The following DRC10 variants were observed in gnomAD, a reference collection of about 807,000 sequenced individuals.
DRC10 encodes the protein dynein regulatory complex subunit 10.
At chr12:113,199,219 G>C in the DRC10 span, among the ~76,000 whole-genome samples, 1 of 152,074 alleles carries the variant, frequency 6.6e-6, no homozygotes, top group African/African-American at 2.4e-5. Context: ...TTACAGGCGT[G>C]AGCCACTGCT....
At chr12:113,199,656 G>A in the DRC10 span, among the ~76,000 whole-genome samples, 3 of 152,118 alleles carry the variant, frequency 2.0e-5, no homozygotes, top group Non-Finnish European at 4.4e-5. Context: ...AGATTTGGAA[G>A]TTGGGTGTGT....
chr12:113,200,642 G>C, the DRC10 span: 2 of 1,536,170 alleles, frequency 1.3e-6, no homozygotes, highest in African/African-American at 2.7e-5. Context: ...TGTGACTGCA[G>C]CTGCAGGATC....
the DRC10 span, among the ~76,000 whole-genome samples, chr12:113,214,387 T>A: frequency 6.6e-6 from 1 of 150,698 alleles, no homozygotes; most frequent in East Asian, 2.0e-4. Context: ...ATGCCTGTAA[T>A]CCCAACTACT....
At chr12:113,217,895 T>C in the DRC10 span, among the ~76,000 whole-genome samples, 33 of 152,328 alleles carry the variant, frequency 2.2e-4, no homozygotes, top group Non-Finnish European at 4.0e-4. Flanking sequence ...TGTAATTGTT[T>C]GCATCTGACT....
At chr12:113,215,879 G>A in the DRC10 span, among the ~76,000 whole-genome samples, 3 of 152,222 alleles carry the variant, frequency 2.0e-5, no homozygotes, top group Non-Finnish European at 4.4e-5. Flanking sequence ...CCAAATGCTG[G>A]TGAGGATGTG....
the DRC10 span, chr12:113,197,708 A>G: frequency 2.6e-6 from 2 of 774,240 alleles, no homozygotes; most frequent in Admixed American, 4.1e-5. Flanking sequence ...CAGGTGCTTG[A>G]CATGCCTCGC....
the DRC10 span, among the ~76,000 whole-genome samples, chr12:113,196,110 A>G: frequency 9.8e-5 from 15 of 152,288 alleles, no homozygotes; most frequent in African/African-American, 1.4e-4. Flanking sequence ...AGGAACAGGA[A>G]AAGAACATGG....
chr12:113,208,257 A>G, the DRC10 span: 1 of 1,488,024 alleles, frequency 6.7e-7, no homozygotes, highest in African/African-American at 1.4e-5. Context: ...GTCTCTGGCC[A>G]TCCTGCAAAA....
the DRC10 span, among the ~76,000 whole-genome samples, chr12:113,199,214 G>A: frequency 1.1e-4 from 17 of 152,170 alleles, no homozygotes; most frequent in Non-Finnish European, 1.9e-4. Context: ...TGGGATTACA[G>A]GCGTGAGCCA....
chr12:113,208,103 G>A, the DRC10 span: 1 of 1,614,198 alleles, frequency 6.2e-7, no homozygotes. Flanking sequence ...TCTGTCTTTG[G>A]CCCTATTCTG....
chr12:113,207,879 A>G, the DRC10 span: 2 of 1,614,002 alleles, frequency 1.2e-6, no homozygotes, highest in Non-Finnish European at 1.7e-6. Flanking sequence ...CCTGGCAGAG[A>G]TCCTCATGCT....
the DRC10 span, among the ~76,000 whole-genome samples, chr12:113,214,384 T>C: frequency 6.6e-6 from 1 of 151,382 alleles, no homozygotes; most frequent in Admixed American, 6.6e-5. Context: ...AACATGCCTG[T>C]AATCCCAACT....
chr12:113,217,383 T>C, the DRC10 span, among the ~76,000 whole-genome samples: 2 of 152,150 alleles, frequency 1.3e-5, no homozygotes, highest in East Asian at 1.9e-4. Flanking sequence ...AATTCACCCA[T>C]TGTAAGTGTA....
At chr12:113,220,555 AAACAACAAC>A in the DRC10 span, among the ~76,000 whole-genome samples, 3 of 152,212 alleles carry the variant, frequency 2.0e-5, no homozygotes, top group South Asian at 6.2e-4. Flanking sequence ...TGCTCGGCAA[AAACAACAAC>A]AACAACAACA....
At chr12:113,196,077 A>C in the DRC10 span, among the ~76,000 whole-genome samples, 1 of 152,170 alleles carries the variant, frequency 6.6e-6, no homozygotes, top group South Asian at 2.1e-4. Flanking sequence ...TAGCTCTAGG[A>C]AGGACCCAAC....
the DRC10 span, among the ~76,000 whole-genome samples, chr12:113,201,887 C>T: frequency 1.3e-5 from 2 of 152,350 alleles, no homozygotes; most frequent in South Asian, 4.1e-4. Context: ...ATATGATCGG[C>T]AGTCAGAGCT....
chr12:113,198,901 G>A, the DRC10 span, among the ~76,000 whole-genome samples: 2 of 151,994 alleles, frequency 1.3e-5, no homozygotes, highest in African/African-American at 4.8e-5. Flanking sequence ...GATCAGCCTG[G>A]GCAACAGAGC....
chr12:113,207,681 G>C, the DRC10 span: 1 of 1,614,118 alleles, frequency 6.2e-7, no homozygotes, highest in Non-Finnish European at 8.5e-7. Flanking sequence ...CAGCCTGGGG[G>C]TTGCTGAGCA....
chr12:113,220,841 A>G, the DRC10 span, among the ~76,000 whole-genome samples: 5 of 152,292 alleles, frequency 3.3e-5, no homozygotes, highest in African/African-American at 9.6e-5. Context: ...GTGGAGCGAA[A>G]GGTCCAGACT....
Sources: allele counts gnomAD v4.1 joint callset (sites outside exome capture counted in the v4.1 genomes callset), GRCh38; gene constraint gnomAD v4.1.1; transcripts MANE v1.5; gene names NCBI Gene and HGNC (gene_info 2026-07-23, HGNC 2026-07-21).